NELL2: variants seen among roughly 807,000 people sequenced by gnomAD.
NELL2 encodes protein kinase C-binding protein NELL2.
A neutral mutation model predicts 109.6 loss-of-function variants in NELL2; 41 were observed. The observed-to-expected ratio is 0.37, with a 90% confidence interval of 0.29 to 0.49. The LOEUF is 0.49. Ranked by LOEUF, NELL2 falls within the 20% of genes least tolerant of loss-of-function variation. The pLI, the probability that NELL2 is intolerant of heterozygous loss-of-function variation, is 0.98. For synonymous variants in NELL2, 355 were observed against 344.7 expected (o/e 1.03, Z -0.33); for missense variants, 900 against 1,008.3 (o/e 0.89, Z 1.45).
chr12:44,846,648 C>T (rs1164843011), intron 2 of NELL2, among the ~76,000 whole-genome samples: 2 of 152,110 alleles, frequency 1.3e-5, no homozygotes, highest in Non-Finnish European at 2.9e-5. Flanking sequence ...TATGATATTC[C>T]ATTGTAAGCA....
chr12:44,836,030 G>A (rs1944043598), intron 2 of NELL2, among the ~76,000 whole-genome samples: 1 of 152,182 alleles, frequency 6.6e-6, no homozygotes, highest in African/African-American at 2.4e-5. Context: ...GAAAGGGAGA[G>A]GGGGGTGGAA....
At chr12:44,774,873 G>T in intron 8 of NELL2, 24 bp from the exon 9 acceptor site, 2 of 1,533,448 alleles carry the variant, frequency 1.3e-6, no homozygotes, top group Non-Finnish European at 1.8e-6. Context: ...AATATTTAAA[G>T]AATTTCCATG....
intron 3 of NELL2, among the ~76,000 whole-genome samples, chr12:44,793,476 T>C (rs1288258806): frequency 6.6e-6 from 1 of 152,202 alleles, no homozygotes. Flanking sequence ...AACCCAATTG[T>C]TGCTATCATG....
intron 13 of NELL2, among the ~76,000 whole-genome samples, chr12:44,638,535 C>A (rs1946731864): frequency 6.6e-6 from 1 of 152,036 alleles, no homozygotes; most frequent in African/African-American, 2.4e-5. Flanking sequence ...TCATACAAAC[C>A]TTAAGAAAGA....
upstream of NELL2, among the ~76,000 whole-genome samples, chr12:44,879,080 T>G (rs1279709420): frequency 6.6e-6 from 1 of 152,120 alleles, no homozygotes; most frequent in Non-Finnish European, 1.5e-5. Context: ...GTCAGATTAA[T>G]GCAATATGAG....
rs537485155 is a variant in NELL2, at chr12:44,589,508, C to T, written c.1663+17661G>A. 3.3e-5 allele frequency among the ~76,000 whole-genome samples: 5 copies of T among 152,132 alleles called. No individual in the cohort carries two copies. In the East Asian group the frequency reaches 5.8e-4, roughly 18 times the overall value. On this transcript the variant is annotated intron_variant, in intron 15 of 19. Transcript: ENST00000429094. The stretch of plus-strand genomic sequence containing the variant: ...AAATGATTCTCCTGCCTCAGCCTCC[C>T]GAGTAGCTGGGACTACAGGCACGTA...
chr12:44,676,411 C>T lies in NELL2; in HGVS notation c.1319-10802G>A, dbSNP rs972753722. ...AAAATATCATTTACAAATAAGCTAA[C>T]ACTGAAAGGAACTGCCAGCTATCAT... On this transcript the variant is annotated intron_variant, in intron 12 of 19. Coordinates refer to ENST00000429094, the MANE Select transcript of NELL2 (RefSeq NM_001145108.2). Among the ~76,000 whole-genome samples, 17 of 152,054 alleles carry T rather than the reference C, an allele frequency of 1.1e-4. 1 individual carries two copies. The highest frequency in any genetic ancestry group is 2.9e-5 in the Non-Finnish European group (2 of 67,980).
At chr12:44,905,977 T>C (rs1945715597) in intron 1 of NELL2, among the ~76,000 whole-genome samples, 1 of 152,096 alleles carries the variant, frequency 6.6e-6, no homozygotes, top group Admixed American at 6.6e-5. Context: ...ATTAATTACA[T>C]AATATTCTAA....
chr12:44,818,812 G>A lies in NELL2; in HGVS notation c.185-2676C>T, dbSNP rs557694391. Among the ~76,000 whole-genome samples, 437 of 132,590 alleles carry A rather than the reference G, an allele frequency of 3.3e-3. 3 individuals are homozygous for A. Among genetic ancestry groups the A allele is most frequent in the African/African-American group, 0.012 (410 of 35,638 alleles). The allele number at this position is 132,590 out of a possible 152,430, so 87.0% of individuals were successfully genotyped here. A position where few individuals can be genotyped will look rare whatever the true frequency, so the allele number is the denominator to read the frequency against. ...CTGCGGACTGCAGTGGCGCAATCTCGGCTCACTGCAAGCTCCGCTTCCCGG... is the reference window on the plus strand; with the variant it reads ...CTGCGGACTGCAGTGGCGCAATCTCAGCTCACTGCAAGCTCCGCTTCCCGG... On this transcript the variant is annotated intron_variant, in intron 2 of 19. Transcript: ENST00000429094.
intron 2 of NELL2, among the ~76,000 whole-genome samples, chr12:44,824,030 A>C (rs1943624072): frequency 6.6e-6 from 1 of 152,118 alleles, no homozygotes; most frequent in Non-Finnish European, 1.5e-5. Flanking sequence ...TATCTGTATG[A>C]CTTCTTTTGA....
chr12:44,598,854 T>TACAC (rs754118280), intron 15 of NELL2, among the ~76,000 whole-genome samples: 2,214 of 118,438 alleles, frequency 0.019, 23 homozygotes, highest in African/African-American at 0.032. Context: ...AAGAAAGAAA[T>TACAC]ACACACACAC....
intron 2 of NELL2, among the ~76,000 whole-genome samples, chr12:44,868,446 T>C (rs1018603551): frequency 1.9e-4 from 29 of 152,180 alleles, no homozygotes; most frequent in African/African-American, 6.5e-4. Flanking sequence ...TGACCATTAA[T>C]TAGGTTGATC....
intron 9 of NELL2, among the ~76,000 whole-genome samples, chr12:44,744,656 G>C (rs1420191200): frequency 1.3e-5 from 2 of 152,190 alleles, no homozygotes; most frequent in African/African-American, 2.4e-5. Flanking sequence ...ACTACCATCA[G>C]AGAATACTAT....
At chr12:44,679,119 G>A (rs982338251) in intron 12 of NELL2, among the ~76,000 whole-genome samples, 6 of 152,090 alleles carry the variant, frequency 3.9e-5, no homozygotes, top group African/African-American at 1.4e-4. Context: ...TCTGAAGACA[G>A]GAAGAGATGA....
intron 15 of NELL2, among the ~76,000 whole-genome samples, chr12:44,543,034 G>A (rs1042831459): frequency 1.3e-5 from 2 of 152,120 alleles, no homozygotes; most frequent in Admixed American, 1.3e-4. Flanking sequence ...TACCCAGTTT[G>A]TGGTTTTGTG....
chr12:44,546,879 A>G (rs1208007273), intron 15 of NELL2, among the ~76,000 whole-genome samples: 1 of 152,188 alleles, frequency 6.6e-6, no homozygotes, highest in Non-Finnish European at 1.5e-5. Context: ...TTTTCTGATT[A>G]TTTAATGTAA....
intron 2 of NELL2, among the ~76,000 whole-genome samples, chr12:44,835,322 G>A (rs1944020814): frequency 6.6e-6 from 1 of 152,298 alleles, no homozygotes; most frequent in African/African-American, 2.4e-5. Context: ...GGCTTCTGGG[G>A]GGAAAAATCA....
chr12:44,522,207 A>G lies in NELL2; in HGVS notation c.1999-31T>C, dbSNP rs374743937. 3.1e-6 allele frequency: 5 copies of G among 1,603,958 alleles called. No individual in the cohort carries two copies. The African/African-American group carries it at 5.4e-5, about 17-fold the overall frequency. ...TGAAAAAGAAAAAAAGCAGTTACCA[A>G]AAACCTCCATTTCTCAGTAACACGC... On this transcript the variant is annotated intron_variant, in intron 17 of 19. Coordinates refer to ENST00000429094, the MANE Select transcript of NELL2 (RefSeq NM_001145108.2).
intron 13 of NELL2, among the ~76,000 whole-genome samples, chr12:44,663,098 A>G (rs1366995125): frequency 3.3e-5 from 5 of 152,224 alleles, no homozygotes; most frequent in Admixed American, 2.6e-4. Flanking sequence ...CTTTGGTCAC[A>G]AGGCAAAGTC....
Sources: allele counts gnomAD v4.1 joint callset (sites outside exome capture counted in the v4.1 genomes callset), GRCh38; gene constraint gnomAD v4.1.1; transcripts MANE v1.5; gene names NCBI Gene and HGNC (gene_info 2026-07-23, HGNC 2026-07-21).